PALM2AKAP2: variants seen among roughly 807,000 people sequenced by gnomAD.
PALM2AKAP2 encodes PALM2-AKAP2 fusion protein.
Under a neutral mutation model 71.5 loss-of-function variants are expected in PALM2AKAP2, and 37 were observed. The ratio of observed to expected loss-of-function variants is 0.52; its 90% CI spans 0.40 to 0.68. The LOEUF (loss-of-function observed/expected upper bound fraction) is 0.68, where lower values mean the gene tolerates loss of function less well. Among genes scored for constraint, PALM2AKAP2 ranks in the 30% least tolerant of loss-of-function variants. The pLI is 0.00. For missense variants in PALM2AKAP2, 1,224 were observed against 1,191.8 expected (o/e 1.03, Z -0.40); for synonymous variants, 468 against 478.8 (o/e 0.98, Z 0.29).
intron 6 of PALM2AKAP2, chr9:109,944,861 A>G (rs1211324870): frequency 6.6e-6 from 1 of 152,230 alleles, no homozygotes; most frequent in African/African-American, 2.4e-5. Flanking sequence ...ATAAAGATAT[A>G]ACATGATTAC....
exon 2 of PALM2AKAP2, chr9:110,136,447 T>C: frequency 1.2e-6 from 2 of 1,614,184 alleles, no homozygotes; most frequent in Non-Finnish European, 1.7e-6. Flanking sequence ...CTGCTGTGGA[T>C]GGAACGTACA....
intron 1 of PALM2AKAP2, among the ~76,000 whole-genome samples, chr9:110,088,806 G>T (rs10465106): frequency 7.5e-6 from 1 of 132,858 alleles, no homozygotes; most frequent in Non-Finnish European, 1.6e-5. Flanking sequence ...TGCAACCTCC[G>T]CCTCCCGGGT....
chr9:109,859,336 A>G (rs1483681768), intron 1 of PALM2AKAP2, among the ~76,000 whole-genome samples: 2 of 152,220 alleles, frequency 1.3e-5, no homozygotes, highest in Non-Finnish European at 2.9e-5. Context: ...AGTTAGGTAG[A>G]AGGAATAAGA....
chr9:110,141,339 G>C (rs1343000237), intron 2 of PALM2AKAP2, among the ~76,000 whole-genome samples: 1 of 152,122 alleles, frequency 6.6e-6, no homozygotes, highest in East Asian at 1.9e-4. Flanking sequence ...ATCCGTGCAA[G>C]TCTGTTCCAA....
intron 3 of PALM2AKAP2, among the ~76,000 whole-genome samples, chr9:109,915,160 A>G (rs1358680934): frequency 6.6e-6 from 1 of 152,242 alleles, no homozygotes; most frequent in Non-Finnish European, 1.5e-5. Context: ...TGGAACTCAG[A>G]TAATGAAAGA....
At chr9:109,641,687 C>T (rs938001735) in intron 1 of PALM2AKAP2, among the ~76,000 whole-genome samples, 2 of 152,132 alleles carry the variant, frequency 1.3e-5, no homozygotes, top group African/African-American at 4.8e-5. Flanking sequence ...ATTTTTGGAG[C>T]CAGCTATTAG....
intron 6 of PALM2AKAP2, among the ~76,000 whole-genome samples, chr9:109,957,804 C>T (rs1013653805): frequency 6.6e-6 from 1 of 152,198 alleles, no homozygotes; most frequent in Non-Finnish European, 1.5e-5. Context: ...TGAAGCCTGG[C>T]ACATTTATTA....
At chr9:110,119,204 G>A (rs1377821318) in intron 1 of PALM2AKAP2, among the ~76,000 whole-genome samples, 1 of 152,008 alleles carries the variant, frequency 6.6e-6, no homozygotes, top group Non-Finnish European at 1.5e-5. Flanking sequence ...TTAGCTGGGT[G>A]TGGTGGTGGG....
intron 2 of PALM2AKAP2, among the ~76,000 whole-genome samples, chr9:110,144,031 A>G (rs1836101000): frequency 6.6e-6 from 1 of 152,224 alleles, no homozygotes; most frequent in Non-Finnish European, 1.5e-5. Context: ...ATTATCTGCA[A>G]ATATCACAAA....
chr9:109,934,545 C>A (rs1831179279), intron 6 of PALM2AKAP2, among the ~76,000 whole-genome samples: 1 of 152,198 alleles, frequency 6.6e-6, no homozygotes, highest in African/African-American at 2.4e-5. Flanking sequence ...TCCCTCCCCT[C>A]TGCACGCTCT....
chr9:110,000,737 T>C (rs1832666945), intron 6 of PALM2AKAP2, among the ~76,000 whole-genome samples: 1 of 152,220 alleles, frequency 6.6e-6, no homozygotes, highest in Non-Finnish European at 1.5e-5. Flanking sequence ...TCATTGTAGT[T>C]TTGATTTGCA....
chr9:109,871,377 T>A (rs936895625), intron 2 of PALM2AKAP2, among the ~76,000 whole-genome samples: 1 of 152,278 alleles, frequency 6.6e-6, no homozygotes, highest in South Asian at 2.1e-4. Flanking sequence ...TAAACTCAGA[T>A]GTATTTTTAA....
chr9:109,869,577 A>G (rs1829549150), intron 2 of PALM2AKAP2, among the ~76,000 whole-genome samples: 1 of 150,860 alleles, frequency 6.6e-6, no homozygotes, highest in Non-Finnish European at 1.5e-5. Flanking sequence ...TGACATTGTG[A>G]TCCACCCGCC....
At chr9:109,894,648 C>T (rs918503813) in intron 3 of PALM2AKAP2, among the ~76,000 whole-genome samples, 3 of 152,164 alleles carry the variant, frequency 2.0e-5, no homozygotes, top group African/African-American at 7.2e-5. Context: ...CTGCATGTGT[C>T]GTGGGCTGAG....
chr9:110,096,996 G>C (rs988753363), intron 1 of PALM2AKAP2, among the ~76,000 whole-genome samples: 1,729 of 146,414 alleles, frequency 0.012, 36 homozygotes, highest in African/African-American at 0.041. Context: ...GGTGTTTCTC[G>C]CAGAGGGGGA....
At chr9:110,088,405 A>C (rs1834620373) in intron 1 of PALM2AKAP2, among the ~76,000 whole-genome samples, 2 of 152,228 alleles carry the variant, frequency 1.3e-5, no homozygotes. Flanking sequence ...GCAAATGAAG[A>C]TTTGGCCCAA....
intron 1 of PALM2AKAP2, among the ~76,000 whole-genome samples, chr9:110,075,164 C>CTGTA (rs1834293622): frequency 6.6e-6 from 1 of 152,158 alleles, no homozygotes; most frequent in South Asian, 2.1e-4. Flanking sequence ...TGCACCAGAC[C>CTGTA]TGTAGTTCAC....
intron 1 of PALM2AKAP2, among the ~76,000 whole-genome samples, chr9:110,110,363 T>C (rs776321180): frequency 1.3e-5 from 2 of 151,872 alleles, no homozygotes; most frequent in Non-Finnish European, 2.9e-5. Flanking sequence ...GTTCTTAGCT[T>C]TGATGGGGGA....
At chr9:109,953,834 C>CAAAAAAAAAA (rs34719180) in intron 6 of PALM2AKAP2, among the ~76,000 whole-genome samples, 19 of 48,536 alleles carry the variant, frequency 3.9e-4, no homozygotes, top group East Asian at 1.6e-3. Flanking sequence ...GACTCCATCT[C>CAAAAAAAAAA]AAAAAAAAAA....
Sources: allele counts gnomAD v4.1 joint callset (sites outside exome capture counted in the v4.1 genomes callset), GRCh38; gene constraint gnomAD v4.1.1; transcripts MANE v1.5; gene names NCBI Gene and HGNC (gene_info 2026-07-23, HGNC 2026-07-21).